Variants in ELOVL6 observed in about 807,000 individuals in gnomAD.
ELOVL6 encodes the protein very long chain fatty acid elongase 6.
In ELOVL6, 8 loss-of-function variants were observed where a neutral mutation model predicts 31.7. That is an observed-to-expected ratio of 0.25 (90% confidence interval 0.15 to 0.45). The LOEUF is 0.45. Ranked by LOEUF, ELOVL6 falls within the 20% of genes least tolerant of loss-of-function variation. The pLI, the probability that ELOVL6 is intolerant of heterozygous loss-of-function variation, is 1.00. For missense variants in ELOVL6, 126 were observed against 326.4 expected (o/e 0.39, Z 4.73); for synonymous variants, 101 against 117.7 (o/e 0.86, Z 0.92).
intron 1 of ELOVL6, among the ~76,000 whole-genome samples, chr4:110,183,007 C>T (rs1190056658): frequency 1.3e-5 from 2 of 152,098 alleles, no homozygotes; most frequent in Admixed American, 1.3e-4. Flanking sequence ...TCTGGGGAGT[C>T]ACACCATACA....
At chr4:110,145,493 C>T (rs1190115098) in intron 1 of ELOVL6, among the ~76,000 whole-genome samples, 1 of 152,152 alleles carries the variant, frequency 6.6e-6, no homozygotes, top group African/African-American at 2.4e-5. Flanking sequence ...AACTGTCTAT[C>T]CACAACTATG....
At position 110,178,415 on chromosome 4, in the gene ELOVL6, G is replaced by A. The variant is rs557100169; in HGVS notation, c.89+19832C>T. 3.9e-4 allele frequency among the ~76,000 whole-genome samples: 59 copies of A among 152,172 alleles called. 3 individuals carry two copies. In the South Asian group the frequency reaches 0.011, roughly 29 times the overall value. Reference sequence around the variant, plus strand: ...AAATTAGCCGAGTGTGGTGGCGCACGCCTATAGTCACTACTACTTGGGAGG... The same window carrying A: ...AAATTAGCCGAGTGTGGTGGCGCACACCTATAGTCACTACTACTTGGGAGG... On this transcript the variant is annotated intron_variant, in intron 1 of 3. Transcript: ENST00000302274.
chr4:110,085,868 C>A (rs1381134236), intron 2 of ELOVL6, among the ~76,000 whole-genome samples: 2 of 152,146 alleles, frequency 1.3e-5, no homozygotes, highest in African/African-American at 4.8e-5. Flanking sequence ...GCATGCTCCA[C>A]CATGCCCAGC....
chr4:110,120,473 A>T (rs1757312730), intron 1 of ELOVL6, among the ~76,000 whole-genome samples: 1 of 152,122 alleles, frequency 6.6e-6, no homozygotes, highest in Non-Finnish European at 1.5e-5. Flanking sequence ...AAAAAGTATT[A>T]CTGAATATCC....
intron 2 of ELOVL6, among the ~76,000 whole-genome samples, chr4:110,085,150 T>C (rs1182482625): frequency 6.6e-6 from 1 of 152,070 alleles, no homozygotes; most frequent in Non-Finnish European, 1.5e-5. Flanking sequence ...AAGCAAGAGG[T>C]TAGGCAATGT....
At chr4:110,124,117 A>G (rs1757426985) in intron 1 of ELOVL6, among the ~76,000 whole-genome samples, 1 of 152,242 alleles carries the variant, frequency 6.6e-6, no homozygotes, top group Non-Finnish European at 1.5e-5. Context: ...GCTTGACTCT[A>G]GAGAAGAATT....
chr4:110,109,757 C>T (rs549878961), intron 1 of ELOVL6, among the ~76,000 whole-genome samples: 11 of 152,162 alleles, frequency 7.2e-5, no homozygotes, highest in East Asian at 3.9e-4. Flanking sequence ...ATTTCTATAC[C>T]CCAAGAGTCA....
chr4:110,133,643 C>T (rs2126258399), intron 1 of ELOVL6, among the ~76,000 whole-genome samples: 1 of 152,214 alleles, frequency 6.6e-6, no homozygotes, highest in East Asian at 1.9e-4. Flanking sequence ...TCATTTAAGT[C>T]CCAAGTCTGT....
intron 1 of ELOVL6, among the ~76,000 whole-genome samples, chr4:110,118,242 G>A (rs1405901047): frequency 6.6e-6 from 1 of 151,782 alleles, no homozygotes; most frequent in African/African-American, 2.4e-5. Flanking sequence ...ACAGGTGTGA[G>A]CCACTGCGCC....
intron 1 of ELOVL6, among the ~76,000 whole-genome samples, chr4:110,107,093 A>G (rs1339092087): frequency 1.3e-5 from 2 of 152,234 alleles, no homozygotes; most frequent in Non-Finnish European, 2.9e-5. Context: ...TATTATTTGT[A>G]AAATGCTTCG....
intron 1 of ELOVL6, among the ~76,000 whole-genome samples, chr4:110,110,337 G>A (rs1357083224): frequency 6.6e-6 from 1 of 151,006 alleles, no homozygotes; most frequent in Non-Finnish European, 1.5e-5. Context: ...ACATTCTTAA[G>A]GATTCTGCAA....
At chr4:110,123,616 A>G (rs1757413055) in intron 1 of ELOVL6, among the ~76,000 whole-genome samples, 1 of 152,210 alleles carries the variant, frequency 6.6e-6, no homozygotes, top group African/African-American at 2.4e-5. Context: ...AGTGTTAAAC[A>G]GGGTGGCACA....
At chr4:110,195,392 T>C (rs1198033220) in intron 1 of ELOVL6, among the ~76,000 whole-genome samples, 2 of 152,114 alleles carry the variant, frequency 1.3e-5, no homozygotes, top group African/African-American at 4.8e-5. Context: ...AGTGCTGGGA[T>C]TACAGGCAGG....
chr4:110,084,102 G>GGT lies in ELOVL6; in HGVS notation c.221+21394_221+21395insAC, dbSNP rs1560813957. On this transcript the variant is annotated intron_variant, in intron 2 of 3. Transcript: ENST00000302274. Reference sequence around the variant, plus strand: ...TATATATGATATATAACATATATATGATATATATGATATATATAACATATA... The same window carrying GGT: ...TATATATGATATATAACATATATATGGTATATATATGATATATATAACATATA... Among the ~76,000 whole-genome samples the GGT allele has an allele frequency of 6.5e-5, 5 of 76,612 alleles. 1 individual carries two copies. Among genetic ancestry groups the GGT allele is most frequent in the South Asian group, 3.9e-4 (1 of 2,534 alleles). The allele number at this position is 76,612 out of a possible 152,430, so 50.3% of individuals were successfully genotyped here. A position where few individuals can be genotyped will look rare whatever the true frequency, so the allele number is the denominator to read the frequency against.
At chr4:110,146,774 G>A (rs1244035817) in intron 1 of ELOVL6, 1 of 152,378 alleles carries the variant, frequency 6.6e-6, no homozygotes, top group African/African-American at 2.4e-5. Flanking sequence ...TGGATCACTT[G>A]AGGTCAGGAA....
chr4:110,065,287 C>A (rs1294865978), intron 2 of ELOVL6, among the ~76,000 whole-genome samples: 5 of 152,014 alleles, frequency 3.3e-5, no homozygotes, highest in Admixed American at 6.6e-5. Flanking sequence ...TATTGGGGTC[C>A]TTTTTAAAGA....
intron 1 of ELOVL6, among the ~76,000 whole-genome samples, chr4:110,174,713 C>T (rs1759048129): frequency 1.3e-5 from 2 of 152,074 alleles, no homozygotes; most frequent in South Asian, 4.1e-4. Flanking sequence ...GATGGAAATT[C>T]TACAACTATA....
intron 2 of ELOVL6, among the ~76,000 whole-genome samples, chr4:110,067,375 C>T (rs919756333): frequency 4.6e-5 from 7 of 152,172 alleles, no homozygotes; most frequent in Non-Finnish European, 7.3e-5. Flanking sequence ...ATATTTTGAC[C>T]TAGTAATTCC....
chr4:110,114,707 A>T (rs1049406961), intron 1 of ELOVL6, among the ~76,000 whole-genome samples: 27 of 152,240 alleles, frequency 1.8e-4, no homozygotes, highest in African/African-American at 6.3e-4. Flanking sequence ...GAAGCCTAGG[A>T]CGTCTTATAA....
Sources: gnomAD v4.1 joint callset for allele counts (sites outside exome capture counted in the v4.1 genomes callset) on GRCh38, gnomAD v4.1.1 for gene constraint, MANE v1.5 for transcripts, NCBI Gene and HGNC (gene_info 2026-07-23, HGNC 2026-07-21) for gene names.